Variants in MRTFB observed in about 807,000 individuals in gnomAD.
MRTFB encodes myocardin related transcription factor B.
Under a neutral mutation model 104.2 loss-of-function variants are expected in MRTFB, and 29 were observed. That is an observed-to-expected ratio of 0.28 (90% confidence interval 0.21 to 0.38). The LOEUF (loss-of-function observed/expected upper bound fraction) is 0.38, where lower values mean the gene tolerates loss of function less well. Ranked by LOEUF, MRTFB falls within the 10% of genes least tolerant of loss-of-function variation. The pLI is 1.00. For missense variants in MRTFB, 1,270 were observed against 1,341.6 expected (o/e 0.95, Z 0.83); for synonymous variants, 535 against 519.5 (o/e 1.03, Z -0.41).
intron 3 of MRTFB, among the ~76,000 whole-genome samples, chr16:14,187,950 C>T (rs1263128029): frequency 1.3e-5 from 2 of 152,216 alleles, no homozygotes; most frequent in African/African-American, 4.8e-5. Context: ...CCCCTTGCCT[C>T]CCGCTCGCTC....
chr16:14,144,704 C>T (rs558710368), intron 3 of MRTFB: 1 of 152,048 alleles, frequency 6.6e-6, no homozygotes, highest in African/African-American at 2.4e-5. Flanking sequence ...AATCCCAGCA[C>T]TTTGGGAGGC....
chr16:14,029,012 G>A, the MRTFB span, among the ~76,000 whole-genome samples: 1 of 152,076 alleles, frequency 6.6e-6, no homozygotes, highest in African/African-American at 2.4e-5. Context: ...TCTCAAAGAG[G>A]TGTGGATCTT....
intron 4 of MRTFB, among the ~76,000 whole-genome samples, chr16:14,211,619 A>G (rs2041192645): frequency 6.6e-6 from 1 of 152,230 alleles, no homozygotes; most frequent in African/African-American, 2.4e-5. Context: ...ATACGGTTGT[A>G]GGTGACGATT....
intron 2 of MRTFB, among the ~76,000 whole-genome samples, chr16:14,121,402 C>T (rs981321825): frequency 3.9e-5 from 6 of 152,082 alleles, no homozygotes; most frequent in Non-Finnish European, 8.8e-5. Flanking sequence ...GTAACATGAC[C>T]TTTTTTTCTG....
chr16:14,111,930 C>T (rs1439109363), intron 2 of MRTFB, among the ~76,000 whole-genome samples: 1 of 152,198 alleles, frequency 6.6e-6, no homozygotes, highest in Non-Finnish European at 1.5e-5. Context: ...TCCCTCCATA[C>T]GGTGGCTGGG....
chr16:14,003,664 CCCTCCCTT>C, the MRTFB span, among the ~76,000 whole-genome samples: 10 of 80,272 alleles, frequency 1.2e-4, no homozygotes, highest in African/African-American at 3.6e-4. Flanking sequence ...CTCCCTCCCT[CCCTCCCTT>C]CCTTCCTTCC....
At chr16:14,023,673 GTGTC>G in the MRTFB span, among the ~76,000 whole-genome samples, 6 of 140,752 alleles carry the variant, frequency 4.3e-5, 1 homozygote, top group African/African-American at 1.3e-4. Context: ...GTGTGTGTGT[GTGTC>G]TATATATATA....
At chr16:14,109,552 C>T (rs1264617294) in intron 2 of MRTFB, among the ~76,000 whole-genome samples, 1 of 152,192 alleles carries the variant, frequency 6.6e-6, no homozygotes, top group Non-Finnish European at 1.5e-5. Context: ...ACTGTCCACT[C>T]TAAATAGCTA....
At position 14,246,946 on chromosome 16, in the gene MRTFB, C is replaced by T. The variant is rs1457314085; in HGVS notation, c.1686C>T (p.Asn562=). The T allele has an allele frequency of 1.9e-6, 3 of 1,613,978 alleles. No homozygotes were observed. The highest frequency in any genetic ancestry group is 2.2e-5 in the East Asian group (1 of 44,848). ...SLSPTSSTLS[N]LELDAAEKDR... Reference sequence around the variant, plus strand: ...GTCCCACCAGCAGCACTCTGTCAAACCTGGAACTGGATGCAGCCGAAAAGG... The same window carrying T: ...GTCCCACCAGCAGCACTCTGTCAAATCTGGAACTGGATGCAGCCGAAAAGG... The change falls in exon 12 of 17, where the codon AAC becomes AAT. Residue 562 remains asparagine (N), a synonymous_variant. Transcript: ENST00000571589.
At chr16:14,112,819 T>C (rs942060904) in intron 2 of MRTFB, among the ~76,000 whole-genome samples, 2 of 152,188 alleles carry the variant, frequency 1.3e-5, no homozygotes, top group Non-Finnish European at 2.9e-5. Context: ...CCTTCTGGTC[T>C]GTGTTCCAGT....
At position 14,251,989 on chromosome 16, in the gene MRTFB, C is replaced by T. The variant is rs752682501; in HGVS notation, c.2531C>T (p.Pro844Leu). 6.2e-6 allele frequency: 10 copies of T among 1,614,188 alleles called. No individual in the cohort carries two copies. The highest frequency in any genetic ancestry group is 7.6e-6 in the Non-Finnish European group (9 of 1,180,028). ...SVLQSRNAPL[P>L]SLQNGPNTPN... ...CTTCAATCCAGAAATGCTCCGCTTC[C>T]ATCCCTGCAAAATGGACCTAACACA... The change falls in exon 14 of 17, where the codon CCA (proline) becomes CTA (leucine). Residue 844 changes from proline (P) to leucine (L), a missense_variant. Pro to Leu is a moderately conservative substitution (Grantham distance 98, BLOSUM62 -3). This residue lies in a region of MRTFB where 1,144 missense variants were observed against 1,131.5 expected (regional missense o/e 1.01). Coordinates refer to ENST00000571589, the MANE Select transcript of MRTFB (RefSeq NM_001308142.2).
At chr16:14,190,228 A>G (rs2040117616) in intron 3 of MRTFB, among the ~76,000 whole-genome samples, 1 of 152,248 alleles carries the variant, frequency 6.6e-6, no homozygotes, top group Admixed American at 6.5e-5. Flanking sequence ...AATTCAAAAT[A>G]GAAAATTCTC....
Position 14,260,939 on chromosome 16 carries a change from C to T in MRTFB, c.2795C>T (p.Ser932Phe), listed in dbSNP as rs1230026202. 1 of 1,611,336 alleles carries T rather than the reference C, an allele frequency of 6.2e-7. No individual in the cohort carries two copies. The highest frequency in any genetic ancestry group is 8.5e-7 in the Non-Finnish European group (1 of 1,178,136). Residue 932 changes from serine (S) to phenylalanine (F), a missense_variant, in exon 17 of 17, where the codon TCT becomes TTT. Transcript: ENST00000571589. ...TCCCTCCCCATAAAAGAAGAACCTTCTCCTATTTCCAAAATGAGACCAGTG... is the reference window on the plus strand; with the variant it reads ...TCCCTCCCCATAAAAGAAGAACCTTTTCCTATTTCCAAAATGAGACCAGTG... ...EISLPIKEEP[S>F]PISKMRPVTA...
chr16:14,151,485 T>C (rs901472975), intron 3 of MRTFB: 9 of 152,238 alleles, frequency 5.9e-5, no homozygotes, highest in Non-Finnish European at 1.2e-4. Flanking sequence ...AACTGTGTTT[T>C]AATTTTTACT....
the MRTFB span, among the ~76,000 whole-genome samples, chr16:13,997,979 G>A: frequency 6.6e-6 from 1 of 152,038 alleles, no homozygotes; most frequent in East Asian, 1.9e-4. Flanking sequence ...AATTTCAAGT[G>A]GTTTTACATG....
chr16:14,050,493 C>T, the MRTFB span, among the ~76,000 whole-genome samples: 2 of 152,256 alleles, frequency 1.3e-5, no homozygotes, highest in South Asian at 4.1e-4. Flanking sequence ...TTGATGCATG[C>T]CTGTAATCCT....
chr16:14,080,168 A>G (rs1042921128), intron 2 of MRTFB, among the ~76,000 whole-genome samples: 1 of 152,124 alleles, frequency 6.6e-6, no homozygotes, highest in Admixed American at 6.5e-5. Flanking sequence ...TTCTCTTCTT[A>G]GATGTGTAAC....
intron 8 of MRTFB, among the ~76,000 whole-genome samples, chr16:14,222,048 G>T (rs2041747217): frequency 1.3e-5 from 2 of 152,040 alleles, no homozygotes; most frequent in Admixed American, 1.3e-4. Context: ...CCAAAGTGCT[G>T]GGATTACAGG....
rs558377662 is a variant in MRTFB, at chr16:14,237,589, T to G, written c.832-2648T>G. On this transcript the variant is annotated intron_variant, in intron 9 of 16. Coordinates refer to ENST00000571589, the MANE Select transcript of MRTFB (RefSeq NM_001308142.2). ...AAATGAGTCTGTAGCTTGATTAGAC[T>G]GTAGGGTCAAGGAAGGCTGTTTGTG... Among the ~76,000 whole-genome samples, 3 of 152,302 alleles carry G rather than the reference T, an allele frequency of 2.0e-5. No individual in the cohort carries two copies. The South Asian group carries it at 6.2e-4, about 32-fold the overall frequency.
Sources: gnomAD v4.1 joint callset for allele counts (sites outside exome capture counted in the v4.1 genomes callset) on GRCh38, gnomAD v4.1.1 for gene constraint, gnomAD v4.1.1 regional missense constraint, MANE v1.5 for transcripts, NCBI Gene and HGNC (gene_info 2026-07-23, HGNC 2026-07-21) for gene names.